Variants in WASF1 observed in about 807,000 individuals in gnomAD.
WASF1 encodes actin-binding protein WASF1.
A neutral mutation model predicts 50.5 loss-of-function variants in WASF1; 7 were observed. The observed-to-expected ratio is 0.14, with a 90% CI of 0.08 to 0.26. WASF1 has a LOEUF of 0.26. Ranked by LOEUF, WASF1 falls within the 10% of genes least tolerant of loss-of-function variation. WASF1 has a pLI of 1.00. For missense variants in WASF1, 470 were observed against 694.7 expected, an observed-to-expected ratio of 0.68 and a Z score of 3.64; for synonymous variants, 205 against 244.0, an observed-to-expected ratio of 0.84 and a Z score of 1.49.
intron 3 of WASF1, among the ~76,000 whole-genome samples, chr6:110,154,987 A>C (rs1026418850): frequency 6.6e-6 from 1 of 152,074 alleles, no homozygotes; most frequent in Non-Finnish European, 1.5e-5. Context: ...TAAAAATATA[A>C]ATGGGACAGC....
chr6:110,176,119 A>G (rs1418605189), intron 2 of WASF1, among the ~76,000 whole-genome samples: 1 of 152,080 alleles, frequency 6.6e-6, no homozygotes, highest in East Asian at 1.9e-4. Context: ...CTACCAATTC[A>G]CAAAGACTCA....
At chr6:110,102,284 C>T (rs1773127647) in intron 9 of WASF1, 68 bp from the exon 10 acceptor site, 3 of 1,327,590 alleles carry the variant, frequency 2.3e-6, no homozygotes, top group Non-Finnish European at 2.9e-6. Flanking sequence ...TCTAACCACA[C>T]AAACTATAAA....
chr6:110,176,196 A>T (rs1223960688), intron 2 of WASF1, among the ~76,000 whole-genome samples: 2 of 152,076 alleles, frequency 1.3e-5, no homozygotes, highest in African/African-American at 4.8e-5. Flanking sequence ...GTTCCACTTC[A>T]GGGGTCATTT....
At chr6:110,119,151 A>ACC (rs1773961382) in intron 4 of WASF1, among the ~76,000 whole-genome samples, 1 of 152,200 alleles carries the variant, frequency 6.6e-6, no homozygotes, top group Non-Finnish European at 1.5e-5. Flanking sequence ...AGCAAGAGCA[A>ACC]ACATGTTCGA....
intron 8 of WASF1, among the ~76,000 whole-genome samples, chr6:110,104,614 C>T (rs1366799360): frequency 6.6e-6 from 1 of 152,092 alleles, no homozygotes; most frequent in Non-Finnish European, 1.5e-5. Context: ...CATGGTGAGA[C>T]CCCATCTCTA....
In WASF1 at chr6:110,100,604, G is replaced by A; in HGVS notation, c.1598C>T (p.Thr533Ile). The change falls in exon 11 of 11, where the codon ACC (threonine) becomes ATC (isoleucine). Residue 533 changes from threonine (T) to isoleucine (I), a missense_variant. Thr to Ile is a moderately conservative substitution (Grantham distance 89, BLOSUM62 -1). Transcript: ENST00000392589. ...KHERIENDVA[T>I]ILSRRIAVEY... is the part of the protein sequence containing the mutation. ...AACAGCAATACGGCGAGACAGGATGGTGGCAACATCGTTTTCAATGCGTTC... is the reference window on the plus strand; with the variant it reads ...AACAGCAATACGGCGAGACAGGATGATGGCAACATCGTTTTCAATGCGTTC... The A allele has an allele frequency of 6.2e-7, 1 of 1,613,750 alleles. No homozygotes were observed. Among genetic ancestry groups the A allele is most frequent in the Non-Finnish European group, 8.5e-7 (1 of 1,179,864 alleles).
At chr6:110,139,344 C>T (rs1319499722) in intron 3 of WASF1, among the ~76,000 whole-genome samples, 1 of 152,224 alleles carries the variant, frequency 6.6e-6, no homozygotes, top group South Asian at 2.1e-4. Flanking sequence ...AGGGCTCCCA[C>T]CCCACCAACT....
chr6:110,124,260 CTCTCTCTCTCTCTCTATATA>C (rs1774303220), intron 4 of WASF1, among the ~76,000 whole-genome samples: 4 of 59,942 alleles, frequency 6.7e-5, no homozygotes, highest in African/African-American at 3.3e-4. Context: ...CTCTCTCTCT[CTCTCTCTCTCTCTCTATATA>C]TATATATATA....
rs935368221 is a variant in WASF1, at chr6:110,110,853, C to T, written c.269-2172G>A. On this transcript the variant is annotated intron_variant, in intron 5 of 10. Coordinates refer to ENST00000392589, the MANE Select transcript of WASF1 (RefSeq NM_003931.3). ...TTTAATTCCCACTGAATTAAAAAAC[C>T]TAGGTTAAATAACTGAAAACTCCTT... is the stretch of plus-strand genomic sequence containing the variant. 2.6e-5 allele frequency among the ~76,000 whole-genome samples: 4 copies of T among 151,304 alleles called. No homozygotes were observed. The East Asian group carries it at 5.8e-4, about 22-fold the overall frequency.
At chr6:110,102,509 A>G (rs75555038) in intron 9 of WASF1, among the ~76,000 whole-genome samples, 11,097 of 152,222 alleles carry the variant, frequency 0.073, 549 homozygotes, top group African/African-American at 0.14. Context: ...AATAAATAAA[A>G]TGCTCAATTC....
intron 10 of WASF1, among the ~76,000 whole-genome samples, chr6:110,101,244 G>C (rs1773070686): frequency 1.3e-5 from 2 of 152,062 alleles, no homozygotes. Context: ...TAACATTGAA[G>C]AAAATACCAT....
intron 3 of WASF1, among the ~76,000 whole-genome samples, chr6:110,144,699 A>C (rs1316640559): frequency 6.6e-6 from 1 of 152,180 alleles, no homozygotes; most frequent in African/African-American, 2.4e-5. Flanking sequence ...CAGTTTTCCC[A>C]GCACCATTTA....
intron 4 of WASF1, among the ~76,000 whole-genome samples, chr6:110,117,998 G>A (rs1023580292): frequency 6.6e-6 from 1 of 151,996 alleles, no homozygotes; most frequent in African/African-American, 2.4e-5. Flanking sequence ...TGCCTTACAA[G>A]AACTCCTGAA....
At chr6:110,105,373 T>C (rs1773272220) in intron 8 of WASF1, 34 bp downstream of exon 8, 3 of 1,569,152 alleles carry the variant, frequency 1.9e-6, no homozygotes, top group African/African-American at 1.4e-5. Flanking sequence ...GCCAATGTTT[T>C]ATCATTTAAA....
intron 3 of WASF1, among the ~76,000 whole-genome samples, chr6:110,146,498 C>T (rs987107151): frequency 1.3e-5 from 2 of 151,508 alleles, no homozygotes; most frequent in African/African-American, 4.8e-5. Flanking sequence ...AATAAGAATG[C>T]ATGAAGAACT....
intron 4 of WASF1, among the ~76,000 whole-genome samples, chr6:110,114,571 A>G (rs1169216742): frequency 6.6e-6 from 1 of 152,178 alleles, no homozygotes; most frequent in African/African-American, 2.4e-5. Flanking sequence ...AGACTCTAAC[A>G]TGATTTGAGA....
chr6:110,110,700 G>T (rs1173327434), intron 5 of WASF1, among the ~76,000 whole-genome samples: 2 of 151,896 alleles, frequency 1.3e-5, no homozygotes, highest in Admixed American at 6.6e-5. Flanking sequence ...AAATATAATT[G>T]TACAAGTCTT....
At chr6:110,178,472 T>C (rs1250094439) in intron 2 of WASF1, 126 bp downstream of exon 2, 3 of 152,370 alleles carry the variant, frequency 2.0e-5, no homozygotes, top group African/African-American at 7.2e-5. Flanking sequence ...ATTACATCAA[T>C]TAGTGAACAG....
rs779176992 is a variant in WASF1, at chr6:110,102,190, C to A, written c.920G>T (p.Arg307Leu). 1 of 1,397,484 alleles carries A rather than the reference C, an allele frequency of 7.2e-7. No individual in the cohort carries two copies. Among genetic ancestry groups the A allele is most frequent in the Non-Finnish European group, 9.3e-7 (1 of 1,071,018 alleles). The allele number at this position is 1,397,484 out of a possible 1,614,324, so 86.6% of individuals were successfully genotyped here. The part of the protein sequence containing the change: ...ISSATGLIEN[R>L]PQSPATGRTP... ...TCTGCCTGTAGCTGGTGACTGAGGGCGATTTTCTATCAAACCTGTAGCAGA... is the reference window on the plus strand; with the variant it reads ...TCTGCCTGTAGCTGGTGACTGAGGGAGATTTTCTATCAAACCTGTAGCAGA... Residue 307 changes from arginine (R) to leucine (L), a missense_variant, in exon 10 of 11, where the codon CGC (arginine) becomes CTC (leucine). Transcript: ENST00000392589.
Sources: gnomAD v4.1 joint callset for allele counts (sites outside exome capture counted in the v4.1 genomes callset) on GRCh38, gnomAD v4.1.1 for gene constraint, MANE v1.5 for transcripts, NCBI Gene and HGNC (gene_info 2026-07-23, HGNC 2026-07-21) for gene names.